The following GHR variants were observed in gnomAD, a reference collection of about 807,000 sequenced individuals.
The protein encoded by GHR is GH receptor.
A neutral mutation model predicts 67.1 loss-of-function variants in GHR; 35 were observed. That is an observed-to-expected ratio of 0.52 (90% CI 0.40 to 0.69). GHR has a LOEUF of 0.69. Ranked by LOEUF, GHR falls within the 30% of genes least tolerant of loss-of-function variation. The pLI is 0.00. For synonymous variants in GHR, 272 were observed against 269.1 expected, an observed-to-expected ratio of 1.01 and a Z score of -0.10; for missense variants, 792 against 764.6, an observed-to-expected ratio of 1.04 and a Z score of -0.42.
At chr5:42,578,463 G>T (rs1023207057) in intron 2 of GHR, among the ~76,000 whole-genome samples, 2 of 152,106 alleles carry the variant, frequency 1.3e-5, no homozygotes, top group Non-Finnish European at 2.9e-5. Context: ...TCAAAGGTTT[G>T]CCAGGTAAAC....
At chr5:42,658,241 A>G (rs112311102) in intron 3 of GHR, among the ~76,000 whole-genome samples, 2,368 of 152,292 alleles carry the variant, frequency 0.016, 36 homozygotes, top group Non-Finnish European at 0.021. Context: ...TCCAAATAAA[A>G]CTGAAAGAGG....
At chr5:42,450,501 G>A (rs1014671916) in intron 1 of GHR, among the ~76,000 whole-genome samples, 2 of 151,910 alleles carry the variant, frequency 1.3e-5, no homozygotes, top group African/African-American at 4.8e-5. Context: ...GAGCGTATTC[G>A]GATCTTCTCT....
intron 1 of GHR, chr5:42,565,326 C>A: frequency 5.9e-6 from 2 of 336,902 alleles, no homozygotes; most frequent in Non-Finnish European, 8.4e-6. Context: ...CTTCTTTCTG[C>A]TTCCCTTCTA....
At chr5:42,508,282 A>AT (rs1324720372) in intron 1 of GHR, among the ~76,000 whole-genome samples, 7 of 152,200 alleles carry the variant, frequency 4.6e-5, no homozygotes, top group Non-Finnish European at 1.0e-4. Context: ...GGAAAATAAA[A>AT]TAAAGAGAAA....
chr5:42,632,974 A>AG (rs1754002370), intron 3 of GHR, among the ~76,000 whole-genome samples: 1 of 152,218 alleles, frequency 6.6e-6, no homozygotes, highest in Non-Finnish European at 1.5e-5. Context: ...CACCTCAACT[A>AG]GGGTGCTGTG....
At chr5:42,451,645 A>G (rs1744054236) in intron 1 of GHR, among the ~76,000 whole-genome samples, 2 of 150,318 alleles carry the variant, frequency 1.3e-5, no homozygotes, top group African/African-American at 4.9e-5. Flanking sequence ...GGTGGAGGTC[A>G]TAGTGAGCCA....
intron 1 of GHR, among the ~76,000 whole-genome samples, chr5:42,534,180 A>G (rs985567323): frequency 2.1e-5 from 2 of 96,294 alleles, no homozygotes; most frequent in East Asian, 2.0e-4. Context: ...GTATATATGT[A>G]TGTATATATG....
chr5:42,706,616 A>G (rs1758189208), intron 6 of GHR, among the ~76,000 whole-genome samples: 5 of 152,140 alleles, frequency 3.3e-5, no homozygotes, highest in Admixed American at 3.3e-4. Context: ...ATAACTAGCC[A>G]GTTACCCAGC....
intron 2 of GHR, among the ~76,000 whole-genome samples, chr5:42,614,559 ATTTTTTTTTTTTTTTTT>A (rs553365880): frequency 1.5e-5 from 1 of 65,380 alleles, no homozygotes; most frequent in African/African-American, 6.3e-5. Flanking sequence ...CATAGAGGAC[ATTTTTTTTTTTTTTTTT>A]TTTTTTTTTT....
chr5:42,715,588 CTGTTA>C (rs1257168384), intron 8 of GHR, among the ~76,000 whole-genome samples: 1 of 152,206 alleles, frequency 6.6e-6, no homozygotes, highest in East Asian at 1.9e-4. Context: ...AGCCTTTGAG[CTGTTA>C]CCAATTGAGG....
chr5:42,541,493 A>G (rs1170995657), intron 1 of GHR, among the ~76,000 whole-genome samples: 1 of 152,108 alleles, frequency 6.6e-6, no homozygotes, highest in African/African-American at 2.4e-5. Context: ...AAAAAATCAG[A>G]TAGGACTTTC....
chr5:42,545,845 GT>G (rs1678341167), intron 1 of GHR, among the ~76,000 whole-genome samples: 1 of 152,126 alleles, frequency 6.6e-6, no homozygotes, highest in African/African-American at 2.4e-5. Context: ...ATAACTTGGG[GT>G]TTGGGAATTT....
chr5:42,573,433 TAA>T (rs1183892281), intron 2 of GHR, among the ~76,000 whole-genome samples: 1 of 152,062 alleles, frequency 6.6e-6, no homozygotes, highest in African/African-American at 2.4e-5. Context: ...ATGTCCTGCC[TAA>T]GTCTTGTCAA....
In GHR at chr5:42,622,912, C is replaced by T. The variant is rs192690857; in HGVS notation, c.71-6126C>T. Among the ~76,000 whole-genome samples the T allele has an allele frequency of 6.0e-4, 92 of 152,262 alleles. 1 individual carries two copies. Among genetic ancestry groups the T allele is most frequent in the African/African-American group, 2.0e-3 (83 of 41,542 alleles). ...AAGAACAGAACCCACTGCCTACATG[C>T]AGCCTGCACCAGGAGGGCCTAAATG... On this transcript the variant is annotated intron_variant, in intron 2 of 9. Transcript: ENST00000230882.
chr5:42,468,481 C>T (rs1744839165), intron 1 of GHR: 1 of 797,862 alleles, frequency 1.3e-6, no homozygotes, highest in Non-Finnish European at 2.0e-6. Flanking sequence ...GACCAGAGTT[C>T]ACTGGCTCTG....
chr5:42,439,725 G>A (rs1743487329), intron 1 of GHR, among the ~76,000 whole-genome samples: 1 of 152,162 alleles, frequency 6.6e-6, no homozygotes, highest in Non-Finnish European at 1.5e-5. Context: ...ATATGTGAAA[G>A]TGATTTTTTA....
chr5:42,693,141 AC>A (rs201591144), intron 4 of GHR, among the ~76,000 whole-genome samples: 4 of 91,930 alleles, frequency 4.4e-5, no homozygotes, highest in African/African-American at 1.2e-4. Context: ...AGCATATGCA[AC>A]TTTTTTTTTT....
intron 1 of GHR, chr5:42,514,296 C>T: frequency 1.0e-6 from 1 of 983,770 alleles, no homozygotes; most frequent in Non-Finnish European, 1.2e-6. Flanking sequence ...CCAGGGAGTC[C>T]ATATTGGGAA....
At chr5:42,465,100 G>A (rs1395259393) in intron 1 of GHR, among the ~76,000 whole-genome samples, 1 of 152,152 alleles carries the variant, frequency 6.6e-6, no homozygotes, top group Non-Finnish European at 1.5e-5. Flanking sequence ...GACAAAGTCC[G>A]GTTCCTTTTG....
Sources: allele counts gnomAD v4.1 joint callset (sites outside exome capture counted in the v4.1 genomes callset), GRCh38; gene constraint gnomAD v4.1.1; transcripts MANE v1.5; gene names NCBI Gene and HGNC (gene_info 2026-07-23, HGNC 2026-07-21).